OR9Q1: variants seen among roughly 807,000 people sequenced by gnomAD.
OR9Q1 encodes olfactory receptor family 9 subfamily Q member 1, also known as olfactory receptor 9Q1.
For missense variants in OR9Q1, 374 were observed against 378.8 expected (o/e 0.99, Z 0.11); for synonymous variants, 153 against 148.6 (o/e 1.03, Z -0.22).
intron 2 of OR9Q1, among the ~76,000 whole-genome samples, chr11:58,061,102 C>T (rs1853376953): frequency 6.6e-6 from 1 of 152,132 alleles, no homozygotes; most frequent in Admixed American, 6.6e-5. Context: ...CTCTCCTGCT[C>T]ATCTTCTTCC....
At position 58,179,501 on chromosome 11, in the gene OR9Q1, A is replaced by G. The variant is rs1463490109; in HGVS notation, c.57A>G (p.Glu19=). The G allele has an allele frequency of 3.1e-6, 5 of 1,603,678 alleles. No homozygotes were observed. The highest frequency in any genetic ancestry group is 4.3e-6 in the Non-Finnish European group (5 of 1,174,832). The change falls in exon 3 of 3, where the codon GAA becomes GAG. Residue 19 remains glutamate (E), a synonymous_variant. Coordinates refer to ENST00000335397, the MANE Select transcript of OR9Q1 (RefSeq NM_001005212.4). ...AGTTCCTCCTTATTGCATTCACTGA[A>G]TATCCTGAATGGGCACTCCCTCTCT... The part of the protein sequence containing the change: ...VTEFLLIAFT[E]YPEWALPLFL...
intron 2 of OR9Q1, among the ~76,000 whole-genome samples, chr11:58,113,440 G>A (rs1377314357): frequency 6.6e-6 from 1 of 152,106 alleles, no homozygotes; most frequent in African/African-American, 2.4e-5. Flanking sequence ...ACTGCTGCAG[G>A]ACAGCCAGAG....
Position 58,119,081 on chromosome 11 carries a change from G to A in OR9Q1, c.-14-60350G>A, listed in dbSNP as rs1383005002. ...AGTGGGTTGCGAATGGCAGCATAGC[G>A]ATCATAGGCCATCACTGCCAGCAGA... On this transcript the variant is annotated intron_variant, in intron 2 of 2. Transcript: ENST00000335397. 18 of 1,613,828 alleles carry A rather than the reference G, an allele frequency of 1.1e-5. No individual in the cohort carries two copies. In the East Asian group the frequency reaches 3.6e-4, roughly 32 times the overall value.
intron 2 of OR9Q1, among the ~76,000 whole-genome samples, chr11:58,126,248 C>A (rs1448535509): frequency 6.6e-6 from 1 of 152,172 alleles, no homozygotes; most frequent in Non-Finnish European, 1.5e-5. Context: ...GCACTGAACT[C>A]CACTTGTCTT....
chr11:58,172,055 G>A (rs1854560607), intron 2 of OR9Q1, among the ~76,000 whole-genome samples: 1 of 152,160 alleles, frequency 6.6e-6, no homozygotes, highest in Non-Finnish European at 1.5e-5. Context: ...AGCTAATGAG[G>A]AGACAATTGC....
At chr11:58,149,387 C>T (rs1854328871) in intron 2 of OR9Q1, among the ~76,000 whole-genome samples, 1 of 152,068 alleles carries the variant, frequency 6.6e-6, no homozygotes, top group Non-Finnish European at 1.5e-5. Flanking sequence ...ATAGTTGGCA[C>T]TTAACTAACT....
chr11:58,066,132 C>T (rs1853427241), intron 2 of OR9Q1, among the ~76,000 whole-genome samples: 1 of 151,960 alleles, frequency 6.6e-6, no homozygotes, highest in Non-Finnish European at 1.5e-5. Context: ...CCCTCTCTCC[C>T]TCTCCAGGGA....
intron 2 of OR9Q1, among the ~76,000 whole-genome samples, chr11:58,160,714 G>T (rs750676348): frequency 1.3e-5 from 2 of 152,112 alleles, no homozygotes; most frequent in African/African-American, 2.4e-5. Context: ...GTGAAAACAC[G>T]AGTTCTTCTT....
rs1351182027 is a variant in OR9Q1, at chr11:58,069,891, A to AACCAAACCAG, written c.-15+13953_-15+13954insGACCAAACCA. Among the ~76,000 whole-genome samples the AACCAAACCAG allele has an allele frequency of 9.9e-5, 15 of 151,862 alleles. No homozygotes were observed. In the East Asian group the frequency reaches 2.9e-3, roughly 30 times the overall value. ...TCTCAAACAACAAAAAACCAAACCA[A>AACCAAACCAG]ACCAAACCAAAACAAAACAAAACAC... On this transcript the variant is annotated intron_variant, in intron 2 of 2. Transcript: ENST00000335397.
intron 2 of OR9Q1, chr11:58,108,953 T>C (rs1327899444): frequency 5.1e-6 from 2 of 391,560 alleles, no homozygotes; most frequent in Non-Finnish European, 1.0e-5. Flanking sequence ...GTGGAGAAGG[T>C]CTTGGCTTAC....
chr11:58,053,403 A>T (rs1337576833), intron 1 of OR9Q1, among the ~76,000 whole-genome samples: 2 of 130,808 alleles, frequency 1.5e-5, no homozygotes, highest in South Asian at 2.5e-4. Context: ...AACAATGAGA[A>T]CACATGGACA....
At position 58,159,378 on chromosome 11, in the gene OR9Q1, C is replaced by T. The variant is rs150776205; in HGVS notation, c.-14-20053C>T. Among the ~76,000 whole-genome samples, 6 of 152,090 alleles carry T rather than the reference C, an allele frequency of 3.9e-5. No individual in the cohort carries two copies. The South Asian group carries it at 6.2e-4, about 16-fold the overall frequency. Reference sequence around the variant, plus strand: ...TTTGTAGAGAGCAACTAAATAGAAACAAATTCTTGTCTAGGACTTCCTCGT... The same window carrying T: ...TTTGTAGAGAGCAACTAAATAGAAATAAATTCTTGTCTAGGACTTCCTCGT... On this transcript the variant is annotated intron_variant, in intron 2 of 2. Transcript: ENST00000335397.
At chr11:58,178,902 TTA>T (rs1191244945) in intron 2 of OR9Q1, among the ~76,000 whole-genome samples, 2 of 144,296 alleles carry the variant, frequency 1.4e-5, no homozygotes, top group Non-Finnish European at 1.5e-5. Flanking sequence ...TATTTATATA[TTA>T]TATATATTAT....
chr11:58,046,602 C>T (rs1853218995), intron 1 of OR9Q1, among the ~76,000 whole-genome samples: 1 of 152,138 alleles, frequency 6.6e-6, no homozygotes, highest in Non-Finnish European at 1.5e-5. Context: ...TGGCTCACAC[C>T]TGTAATTCCA....
At chr11:58,107,722 G>A (rs61902761) in intron 2 of OR9Q1, among the ~76,000 whole-genome samples, 32,368 of 151,972 alleles carry the variant, frequency 0.21, 4,106 homozygotes, top group Middle Eastern at 0.38. Flanking sequence ...GTTTACACTC[G>A]AATGTGGGAT....
intron 2 of OR9Q1, among the ~76,000 whole-genome samples, chr11:58,105,081 T>A (rs954753828): frequency 1.3e-4 from 8 of 62,504 alleles, no homozygotes; most frequent in African/African-American, 3.8e-4. Context: ...AGAAGGTAGA[T>A]TTTTTTTTTT....
At chr11:58,091,974 T>C (rs1405550696) in intron 2 of OR9Q1, among the ~76,000 whole-genome samples, 2 of 152,072 alleles carry the variant, frequency 1.3e-5, no homozygotes, top group Non-Finnish European at 2.9e-5. Context: ...CTTGCCTTTT[T>C]TTTTTTGCTT....
At chr11:58,154,685 T>G (rs1361118406) in intron 2 of OR9Q1, among the ~76,000 whole-genome samples, 1 of 152,220 alleles carries the variant, frequency 6.6e-6, no homozygotes, top group Non-Finnish European at 1.5e-5. Flanking sequence ...CATTACACAT[T>G]GTATGCATAC....
chr11:58,106,642 T>G (rs1381965511), intron 2 of OR9Q1, among the ~76,000 whole-genome samples: 1 of 152,176 alleles, frequency 6.6e-6, no homozygotes, highest in Non-Finnish European at 1.5e-5. Context: ...TACATTTAAG[T>G]TTTTAATCTG....
Sources: gnomAD v4.1 joint callset for allele counts (sites outside exome capture counted in the v4.1 genomes callset) on GRCh38, gnomAD v4.1.1 for gene constraint, MANE v1.5 for transcripts, NCBI Gene and HGNC (gene_info 2026-07-23, HGNC 2026-07-21) for gene names.